Variants in NPFFR2 observed in about 807,000 individuals in gnomAD.
NPFFR2 encodes the protein G-protein coupled receptor 74.
Under a neutral mutation model 13.1 loss-of-function variants are expected in NPFFR2, and 15 were observed. The ratio of observed to expected loss-of-function variants is 1.15; its 90% confidence interval spans 0.77 to 1.76. The LOEUF (loss-of-function observed/expected upper bound fraction) is 1.76. NPFFR2 is among the 40% of genes most tolerant of loss of function. The probability of loss-of-function intolerance (pLI) is 0.00; values close to 1 mark genes in which losing one functional copy is unlikely to be tolerated. For synonymous variants in NPFFR2, 190 were observed against 175.7 expected (o/e 1.08, Z -0.65); for missense variants, 572 against 503.5 (o/e 1.14, Z -1.30).
At chr4:72,049,716 A>G (rs1719485081) in intron 1 of NPFFR2, among the ~76,000 whole-genome samples, 1 of 150,992 alleles carries the variant, frequency 6.6e-6, no homozygotes, top group Non-Finnish European at 1.5e-5. Context: ...CTATTGAGAT[A>G]TTGTGATAGA....
At chr4:72,100,931 A>G (rs1401206356) in intron 1 of NPFFR2, among the ~76,000 whole-genome samples, 1 of 152,032 alleles carries the variant, frequency 6.6e-6, no homozygotes, top group African/African-American at 2.4e-5. Context: ...TATAGGAAGT[A>G]TCTTTCTATG....
At chr4:72,045,766 G>A (rs11727771) in intron 1 of NPFFR2, among the ~76,000 whole-genome samples, 79,836 of 151,938 alleles carry the variant, frequency 0.53, 23,763 homozygotes, top group Non-Finnish European at 0.67. Flanking sequence ...AATAATGGTT[G>A]TGTGGGTACT....
intron 1 of NPFFR2, among the ~76,000 whole-genome samples, chr4:72,041,728 T>C (rs561398863): frequency 6.6e-6 from 1 of 152,324 alleles, no homozygotes; most frequent in South Asian, 2.1e-4. Context: ...GTGGTTTGAT[T>C]TGCATTTCTC....
At chr4:72,093,186 G>A (rs546615062) in intron 1 of NPFFR2, among the ~76,000 whole-genome samples, 1 of 152,306 alleles carries the variant, frequency 6.6e-6, no homozygotes, top group South Asian at 2.1e-4. Flanking sequence ...CAGGGTTTCT[G>A]CTGAGAAGTC....
intron 1 of NPFFR2, among the ~76,000 whole-genome samples, chr4:72,054,240 G>A (rs1388432413): frequency 1.3e-5 from 2 of 151,904 alleles, no homozygotes; most frequent in East Asian, 1.9e-4. Context: ...CAGATTTGCT[G>A]TAAACTACAG....
intron 1 of NPFFR2, among the ~76,000 whole-genome samples, chr4:72,109,700 TTTGTTGTTGTTG>T (rs528300096): frequency 2.0e-5 from 3 of 150,242 alleles, no homozygotes; most frequent in Non-Finnish European, 2.9e-5. Flanking sequence ...TTCCATGAAA[TTTGTTGTTGTTG>T]TTGTTGTTGT....
chr4:72,034,899 C>T (rs1476006286), intron 1 of NPFFR2, among the ~76,000 whole-genome samples: 1 of 152,196 alleles, frequency 6.6e-6, no homozygotes, highest in East Asian at 1.9e-4. Context: ...TGTGTCCTTG[C>T]TTTGCGGAGT....
chr4:72,048,687 A>G (rs971615349), intron 1 of NPFFR2, among the ~76,000 whole-genome samples: 5 of 151,636 alleles, frequency 3.3e-5, no homozygotes, highest in African/African-American at 7.3e-5. Flanking sequence ...ATGAGTACTA[A>G]TTTTTTTTTA....
At chr4:72,121,107 C>A (rs1049981598) in intron 1 of NPFFR2, among the ~76,000 whole-genome samples, 3 of 151,854 alleles carry the variant, frequency 2.0e-5, no homozygotes, top group African/African-American at 7.3e-5. Flanking sequence ...GAAACATAAA[C>A]AACTATCAAT....
At chr4:72,069,500 T>C (rs1022760766) in intron 1 of NPFFR2, among the ~76,000 whole-genome samples, 4 of 152,148 alleles carry the variant, frequency 2.6e-5, no homozygotes, top group Non-Finnish European at 5.9e-5. Flanking sequence ...AGTGAACTTT[T>C]AAAGCCATTT....
At chr4:72,122,114 A>G (rs1560417575) in intron 1 of NPFFR2, among the ~76,000 whole-genome samples, 1 of 152,152 alleles carries the variant, frequency 6.6e-6, no homozygotes, top group Admixed American at 6.5e-5. Context: ...CTAGTGTCTG[A>G]TAAAACAGAC....
chr4:72,082,728 C>T (rs1162713343), intron 1 of NPFFR2, among the ~76,000 whole-genome samples: 2 of 152,002 alleles, frequency 1.3e-5, no homozygotes, highest in Admixed American at 1.3e-4. Context: ...ACTGTAATTA[C>T]CTCGATGTAC....
At chr4:72,132,277 G>C (rs1722268704) in intron 2 of NPFFR2, among the ~76,000 whole-genome samples, 1 of 152,080 alleles carries the variant, frequency 6.6e-6, no homozygotes, top group Non-Finnish European at 1.5e-5. Flanking sequence ...GCATTAGTTT[G>C]CTGCAGATAA....
At chr4:72,110,777 C>T (rs1183351228) in intron 1 of NPFFR2, among the ~76,000 whole-genome samples, 1 of 151,982 alleles carries the variant, frequency 6.6e-6, no homozygotes, top group African/African-American at 2.4e-5. Context: ...TCGGGTGCAT[C>T]TAATATTATC....
At chr4:72,082,948 A>C (rs1560405781) in intron 1 of NPFFR2, among the ~76,000 whole-genome samples, 4 of 152,096 alleles carry the variant, frequency 2.6e-5, no homozygotes, top group Admixed American at 2.0e-4. Flanking sequence ...AACTTAACAT[A>C]ATGTCCTTTA....
intron 1 of NPFFR2, among the ~76,000 whole-genome samples, chr4:72,032,716 C>T (rs1351714820): frequency 2.0e-5 from 3 of 152,142 alleles, no homozygotes; most frequent in Non-Finnish European, 4.4e-5. Context: ...GGTTTTATCC[C>T]CTTCTGGGAG....
intron 3 of NPFFR2, among the ~76,000 whole-genome samples, chr4:72,141,123 A>G (rs141123324): frequency 0.014 from 2,177 of 151,050 alleles, 56 homozygotes; most frequent in African/African-American, 0.05. Context: ...TATCATTTTT[A>G]TTGCGTCTAT....
intron 1 of NPFFR2, among the ~76,000 whole-genome samples, chr4:72,089,709 C>A (rs1720864227): frequency 6.6e-6 from 1 of 152,034 alleles, no homozygotes; most frequent in African/African-American, 2.4e-5. Flanking sequence ...CTTGTAGATT[C>A]TGGATATTAG....
intron 1 of NPFFR2, among the ~76,000 whole-genome samples, chr4:72,087,634 T>C (rs1169160980): frequency 6.6e-5 from 10 of 151,982 alleles, no homozygotes; most frequent in Non-Finnish European, 1.5e-4. Context: ...AATAAGCTAA[T>C]ATCTGAGTAA....
Sources: allele counts gnomAD v4.1 joint callset (sites outside exome capture counted in the v4.1 genomes callset), GRCh38; gene constraint gnomAD v4.1.1; transcripts MANE v1.5; gene names NCBI Gene and HGNC (gene_info 2026-07-23, HGNC 2026-07-21).